TPM1: variants seen among roughly 807,000 people sequenced by gnomAD.
TPM1 encodes the protein tropomyosin 1.
Under a neutral mutation model 42.9 loss-of-function variants are expected in TPM1, and 24 were observed. The ratio of observed to expected loss-of-function variants is 0.56; its 90% CI spans 0.41 to 0.79. The LOEUF (loss-of-function observed/expected upper bound fraction) is 0.79. TPM1 is among the 30% of genes least tolerant of loss of function. The pLI is 0.00. For synonymous variants in TPM1, 136 were observed against 130.1 expected, an observed-to-expected ratio of 1.05 and a Z score of -0.31; for missense variants, 158 against 351.8, an observed-to-expected ratio of 0.45 and a Z score of 4.41.
Position 63,048,847 on chromosome 15 carries a change from C to T in TPM1, c.240+4695C>T. The T allele has an allele frequency of 2.5e-6, 3 of 1,189,210 alleles. No homozygotes were observed. The South Asian group carries it at 4.0e-5, about 16-fold the overall frequency. 73.7% of individuals were successfully genotyped at this position (1,189,210 alleles called of 1,614,324 possible). Reference sequence around the variant, plus strand: ...CAGGGCGCACCTGGCGCACCTGGGCCAGCTGGCGGCGGGCTCTGGGGAGGG... The same window carrying T: ...CAGGGCGCACCTGGCGCACCTGGGCTAGCTGGCGGCGGGCTCTGGGGAGGG... On this transcript the variant is annotated intron_variant, in intron 2 of 9. Coordinates refer to ENST00000403994, the MANE Select transcript of TPM1 (RefSeq NM_001018005.2).
intron 9 of TPM1, chr15:63,065,089 T>G (rs11636549): frequency 0.14 from 140,172 of 985,198 alleles, 10,247 homozygotes; most frequent in Admixed American, 0.26. Context: ...CTGTGTCAAA[T>G]AAATGGGAAA....
chr15:63,070,570 G>A, downstream of TPM1: 1 of 1,007,666 alleles, frequency 9.9e-7, no homozygotes. Context: ...CTAATGAAGT[G>A]TGCATGAAAC....
chr15:63,071,341 T>C (rs546537363), exon 9 of TPM1: 48 of 682,462 alleles, frequency 7.0e-5, no homozygotes, highest in Non-Finnish European at 4.4e-5. Flanking sequence ...GGCAAGCCCA[T>C]GTCAGGGCGA....
In TPM1 at chr15:63,048,897, T is replaced by G. The variant is rs1202698078; in HGVS notation, c.240+4745T>G. 4.0e-6 allele frequency: 3 copies of G among 740,898 alleles called. No homozygotes were observed. The South Asian group carries it at 4.6e-5, about 11-fold the overall frequency. 45.9% of individuals were successfully genotyped at this position (740,898 alleles called of 1,614,324 possible). On this transcript the variant is annotated intron_variant, in intron 2 of 9. Transcript: ENST00000403994. ...GGCCCGGCCTGTTCTCCTGAGCCTT[T>G]GTTTTCCATCTCGCTGATCCAAAGT...
exon 9 of TPM1, chr15:63,071,293 C>T (rs1451467917): frequency 8.7e-7 from 1 of 1,149,766 alleles, no homozygotes; most frequent in Non-Finnish European, 1.3e-6. Flanking sequence ...CCACAAGATA[C>T]CAGCTAGGTC....
chr15:63,071,538 T>C (rs707602), exon 9 of TPM1: 40,242 of 338,988 alleles, frequency 0.12, 2,966 homozygotes, highest in Admixed American at 0.26. Flanking sequence ...TTGGTGCTAC[T>C]TTGAACAAAA....
chr15:63,062,201 C>A lies in TPM1; in HGVS notation c.640-14C>A. The A allele has an allele frequency of 1.9e-6, 3 of 1,613,588 alleles. No homozygotes were observed. In the South Asian group the frequency reaches 3.3e-5, roughly 18 times the overall value. On this transcript the variant is annotated splice_polypyrimidine_tract_variant and intron_variant, in intron 6 of 9. Transcript: ENST00000403994. ...GCTGCAGCCTGACATCTGGAATGCT[C>A]TTTCTAATTACAGTACTCGCAGAAG...
Position 63,048,898 on chromosome 15 carries a change from G to C in TPM1, c.240+4746G>C, listed in dbSNP as rs1251068362. 3 of 737,404 alleles carry C rather than the reference G, an allele frequency of 4.1e-6. No homozygotes were observed. In the Admixed American group the frequency reaches 6.7e-5, roughly 16 times the overall value. The allele number at this position is 737,404 out of a possible 1,614,324, so 45.7% of individuals were successfully genotyped here. A position where few individuals can be genotyped will look rare whatever the true frequency, so the allele number is the denominator to read the frequency against. ...GCCCGGCCTGTTCTCCTGAGCCTTT[G>C]TTTTCCATCTCGCTGATCCAAAGTA... On this transcript the variant is annotated intron_variant, in intron 2 of 9. Coordinates refer to ENST00000403994, the MANE Select transcript of TPM1 (RefSeq NM_001018005.2).
chr15:63,064,179 C>T (rs1210769829), intron 9 of TPM1, 37 bp downstream of exon 9: 1 of 1,604,208 alleles, frequency 6.2e-7, no homozygotes, highest in Non-Finnish European at 8.5e-7. Context: ...TACACCCTGC[C>T]CTCATGCTAA....
downstream of TPM1, chr15:63,066,294 C>T (rs767674884): frequency 1.3e-6 from 1 of 751,988 alleles, no homozygotes; most frequent in Non-Finnish European, 1.7e-6. Flanking sequence ...AATACCCAGG[C>T]CTGCATTCCC....
intron 2 of TPM1, among the ~76,000 whole-genome samples, chr15:63,050,634 A>G (rs1234479190): frequency 6.6e-6 from 1 of 152,190 alleles, no homozygotes; most frequent in Non-Finnish European, 1.5e-5. Flanking sequence ...AGTAGTTTCA[A>G]TTTTTTTAAG....
At chr15:63,045,784 G>A (rs2032262241) in intron 2 of TPM1, 1 of 152,230 alleles carries the variant, frequency 6.6e-6, no homozygotes, top group Non-Finnish European at 1.5e-5. Flanking sequence ...TGGGAAAGAA[G>A]TTATTTAAAG....
rs1244625759 is a variant in TPM1 at position 63,043,772 on chromosome 15, C to T, written c.115-255C>T. On this transcript the variant is annotated intron_variant, in intron 1 of 9. Transcript: ENST00000403994. ...GTCGGAGGACGAGCGGGACCGGGTG[C>T]TGGAGGAGCTGCACAAGGCGGAGGA... 17 of 1,549,780 alleles carry T rather than the reference C, an allele frequency of 1.1e-5. No homozygotes were observed. Among genetic ancestry groups the T allele is most frequent in the Non-Finnish European group, 1.5e-5 (17 of 1,147,086 alleles).
chr15:63,066,184 G>T (rs1005599559), downstream of TPM1: 6 of 1,416,266 alleles, frequency 4.2e-6, no homozygotes, highest in Non-Finnish European at 5.5e-6. Flanking sequence ...ACATATGAGG[G>T]TTAGTGTTTG....
intron 2 of TPM1, among the ~76,000 whole-genome samples, chr15:63,050,811 G>T (rs1240386294): frequency 4.6e-5 from 7 of 152,350 alleles, no homozygotes; most frequent in African/African-American, 1.7e-4. Flanking sequence ...TTTAGATGTA[G>T]CTTGGGCTGT....
chr15:63,044,566 G>C, intron 2 of TPM1: 1 of 423,162 alleles, frequency 2.4e-6, no homozygotes, highest in South Asian at 2.9e-5. Flanking sequence ...TCTGGGTTTG[G>C]TGGTGGGTCT....
chr15:63,048,838 C>A, intron 2 of TPM1: 2 of 1,266,412 alleles, frequency 1.6e-6, no homozygotes, highest in Non-Finnish European at 2.2e-6. Context: ...GCACCTGGCG[C>A]ACCTGGGCCA....
chr15:63,059,897 T>C (rs2140941474), intron 4 of TPM1: 12 of 394,086 alleles, frequency 3.0e-5, no homozygotes, highest in South Asian at 2.5e-4. Context: ...TCAGTAGCAC[T>C]GCGAAGAAGG....
chr15:63,061,363 T>C (rs2035597321), intron 5 of TPM1: 1 of 1,182,886 alleles, frequency 8.5e-7, no homozygotes, highest in South Asian at 1.2e-5. Flanking sequence ...GTATAACGAC[T>C]GCACCTTCAC....
Sources: gnomAD v4.1 joint callset for allele counts (sites outside exome capture counted in the v4.1 genomes callset) on GRCh38, gnomAD v4.1.1 for gene constraint, MANE v1.5 for transcripts, NCBI Gene and HGNC (gene_info 2026-07-23, HGNC 2026-07-21) for gene names.